The following SOX6 variants were observed in gnomAD, a reference collection of about 807,000 sequenced individuals.
The protein encoded by SOX6 is SRY-box transcription factor 6, also known as transcription factor SOX-6.
SOX6 carries 11 observed loss-of-function variants against 97.8 expected under a neutral mutation model. That is an observed-to-expected ratio of 0.11 (90% CI 0.07 to 0.19). The LOEUF (loss-of-function observed/expected upper bound fraction) is 0.19. Ranked by LOEUF, SOX6 falls within the 10% of genes least tolerant of loss-of-function variation. SOX6 has a pLI of 1.00. For missense variants in SOX6, 810 were observed against 1,039.5 expected, an observed-to-expected ratio of 0.78 and a Z score of 3.04; for synonymous variants, 360 against 371.4, an observed-to-expected ratio of 0.97 and a Z score of 0.35.
At chr11:16,571,339 AC>A (rs1475133375) in intron 4 of SOX6, among the ~76,000 whole-genome samples, 3 of 152,080 alleles carry the variant, frequency 2.0e-5, no homozygotes, top group African/African-American at 4.8e-5. Flanking sequence ...TAGCAATATT[AC>A]CCCCCTATGC....
chr11:16,044,096 A>G (rs1855756457), intron 12 of SOX6, among the ~76,000 whole-genome samples: 1 of 152,068 alleles, frequency 6.6e-6, no homozygotes, highest in South Asian at 2.1e-4. Flanking sequence ...GGGTCTCACT[A>G]TGCTGTACAG....
rs371168239 is a variant in SOX6 at position 16,511,598 on chromosome 11, GC to G, written n.610-35211del. On this transcript the variant is annotated intron_variant and non_coding_transcript_variant, in intron 4 of 5. Transcript: ENST00000524520. ...GTAGAATGCTGGCAAAGCAGATGTT[GC>G]CCCTTGCATCCACCCACTGAATTCT... Among the ~76,000 whole-genome samples, 329 of 152,144 alleles carry G rather than the reference GC, an allele frequency of 2.2e-3. 2 individuals carry two copies. The highest frequency in any genetic ancestry group is 7.6e-3 in the African/African-American group (317 of 41,502).
At chr11:15,986,516 G>A in intron 14 of SOX6, 96 bp from the exon 15 acceptor site, 1 of 1,173,986 alleles carries the variant, frequency 8.5e-7, no homozygotes, top group Non-Finnish European at 1.2e-6. Flanking sequence ...TCACTCATCT[G>A]TGCGCTGGGT....
At chr11:16,088,840 G>T (rs973392252) in intron 9 of SOX6, among the ~76,000 whole-genome samples, 1 of 152,144 alleles carries the variant, frequency 6.6e-6, no homozygotes, top group African/African-American at 2.4e-5. Context: ...CTGTAGGCTT[G>T]CACTTTGTAT....
intron 9 of SOX6, among the ~76,000 whole-genome samples, chr11:16,069,289 A>T (rs1848165979): frequency 1.3e-5 from 2 of 152,210 alleles, no homozygotes. Context: ...TAAAAATATC[A>T]GCTTGGTGAA....
chr11:16,427,304 G>A (rs140451422), intron 1 of SOX6, among the ~76,000 whole-genome samples: 98 of 148,416 alleles, frequency 6.6e-4, no homozygotes, highest in African/African-American at 2.3e-3. Context: ...TAAAAAGTGT[G>A]CAACGGACAT....
chr11:16,426,200 G>A (rs1426800047), intron 1 of SOX6, among the ~76,000 whole-genome samples: 1 of 128,318 alleles, frequency 7.8e-6, no homozygotes, highest in Non-Finnish European at 1.6e-5. Context: ...AGCTTGCAGT[G>A]AGCTGAGATT....
At chr11:16,525,441 G>C (rs1274567224) in intron 4 of SOX6, among the ~76,000 whole-genome samples, 1 of 152,074 alleles carries the variant, frequency 6.6e-6, no homozygotes, top group East Asian at 1.9e-4. Flanking sequence ...GTAGAAAGCT[G>C]AAATTGGATC....
At chr11:16,649,359 G>A (rs1328575650) in intron 3 of SOX6, among the ~76,000 whole-genome samples, 1 of 152,152 alleles carries the variant, frequency 6.6e-6, no homozygotes, top group Non-Finnish European at 1.5e-5. Flanking sequence ...GATCTTAAGA[G>A]CTGTCAGACA....
At chr11:16,594,191 G>A (rs1384139753) in intron 4 of SOX6, among the ~76,000 whole-genome samples, 2 of 151,974 alleles carry the variant, frequency 1.3e-5, no homozygotes, top group Non-Finnish European at 2.9e-5. Context: ...ACCCAACACA[G>A]GTTGTATATA....
At chr11:16,359,664 C>A (rs1173703461), upstream of SOX6, among the ~76,000 whole-genome samples, 1 of 152,046 alleles carries the variant, frequency 6.6e-6, no homozygotes, top group Admixed American at 6.6e-5. Context: ...TAAGTCTCTA[C>A]AAATGCCACT....
chr11:16,406,135 T>C (rs925874154), intron 1 of SOX6, among the ~76,000 whole-genome samples: 3 of 152,094 alleles, frequency 2.0e-5, no homozygotes, highest in African/African-American at 7.2e-5. Flanking sequence ...AGAGGAAACA[T>C]AATCCACTTT....
At chr11:16,011,041 C>T (rs1010355833) in intron 13 of SOX6, among the ~76,000 whole-genome samples, 10 of 152,030 alleles carry the variant, frequency 6.6e-5, no homozygotes, top group Non-Finnish European at 1.5e-4. Flanking sequence ...AGCAAAGGAA[C>T]TTCAACTCAA....
rs77442839 is a variant in SOX6, at chr11:16,532,360, T to C, written n.610-55972A>G. Among the ~76,000 whole-genome samples, 516 of 152,012 alleles carry C rather than the reference T, an allele frequency of 3.4e-3. 15 individuals are homozygous for C. In the East Asian group the frequency reaches 0.052, roughly 15 times the overall value. On this transcript the variant is annotated intron_variant and non_coding_transcript_variant, in intron 4 of 5. Transcript: ENST00000524520. The stretch of plus-strand genomic sequence containing the variant: ...AATGAGACAAAGCTAGCTAACTGGC[T>C]TATAGTCCTATGACTTTAATCTCTT...
chr11:16,653,075 A>C (rs185744800), intron 3 of SOX6, among the ~76,000 whole-genome samples: 3 of 152,254 alleles, frequency 2.0e-5, no homozygotes, highest in Non-Finnish European at 2.9e-5. Context: ...CTACCACCTT[A>C]CTCCTGCAAG....
chr11:16,633,092 G>A (rs1021034215), intron 3 of SOX6, among the ~76,000 whole-genome samples: 38 of 152,208 alleles, frequency 2.5e-4, no homozygotes, highest in African/African-American at 8.2e-4. Flanking sequence ...GTAGGGTCAA[G>A]CTGCTGAACC....
At chr11:16,634,264 G>A (rs1848752149) in intron 3 of SOX6, among the ~76,000 whole-genome samples, 1 of 151,468 alleles carries the variant, frequency 6.6e-6, no homozygotes, top group Admixed American at 6.6e-5. Context: ...TAAAATAAAG[G>A]TGATGGAGGG....
chr11:15,998,427 G>C (rs991214153), intron 13 of SOX6, among the ~76,000 whole-genome samples: 1 of 77,552 alleles, frequency 1.3e-5, no homozygotes, highest in Admixed American at 1.7e-4. Flanking sequence ...GTAACTTAAA[G>C]ACCTAAATAA....
chr11:16,098,478 C>T (rs1848857634), intron 7 of SOX6, among the ~76,000 whole-genome samples: 2 of 151,788 alleles, frequency 1.3e-5, no homozygotes, highest in Admixed American at 6.6e-5. Context: ...TCAGATCATT[C>T]CTAAAAAGGG....
Sources: allele counts gnomAD v4.1 joint callset (sites outside exome capture counted in the v4.1 genomes callset), GRCh38; gene constraint gnomAD v4.1.1; transcripts MANE v1.5; gene names NCBI Gene and HGNC (gene_info 2026-07-23, HGNC 2026-07-21).